CAMK2A: variants seen among roughly 807,000 people sequenced by gnomAD.
The protein encoded by CAMK2A is calcium/calmodulin-dependent protein kinase type II subunit alpha.
In CAMK2A, 7 loss-of-function variants were observed where a neutral mutation model predicts 79.2. The observed-to-expected ratio is 0.09, with a 90% confidence interval of 0.05 to 0.17. The LOEUF is 0.17. CAMK2A is among the 10% of genes least tolerant of loss of function. The probability of loss-of-function intolerance (pLI) is 1.00; values close to 1 mark genes in which losing one functional copy is unlikely to be tolerated. For synonymous variants in CAMK2A, 242 were observed against 251.7 expected (o/e 0.96, Z 0.36); for missense variants, 214 against 646.4 (o/e 0.33, Z 7.25).
Position 150,223,124 on chromosome 5 carries a change from C to T in CAMK2A, c.1331G>A (p.Arg444His), listed in dbSNP as rs754962340. The stretch of plus-strand genomic sequence containing the variant: ...GCCAGCGTCCAGGTACTGCGTGATG[C>T]GGATGTAGGCGATGCAGGCTGACTC... ...GDESACIAYI[R>H]ITQYLDAGGI... Residue 444 changes from arginine to histidine, a missense_variant, in exon 18 of 19, where the codon CGC becomes CAC. Arg to His is a conservative substitution (Grantham distance 29, BLOSUM62 0). Coordinates refer to ENST00000671881, the MANE Select transcript of CAMK2A (RefSeq NM_015981.4). This position sits in a 1 kb window ranked among gnomAD's most constrained non-coding sequence, Gnocchi z 4.1. The T allele has an allele frequency of 4.3e-6, 7 of 1,614,116 alleles. No homozygotes were observed. The highest frequency in any genetic ancestry group is 3.3e-5 in the South Asian group (3 of 91,086).
intron 17 of CAMK2A, among the ~76,000 whole-genome samples, chr5:150,224,530 A>G (rs1316168241): frequency 6.6e-6 from 1 of 152,110 alleles, no homozygotes; most frequent in Non-Finnish European, 1.5e-5. Context: ...CCATCCCCTA[A>G]TATCAGAAGC....
At chr5:150,263,381 CACAG>C (rs1212724474) in intron 3 of CAMK2A, among the ~76,000 whole-genome samples, 6 of 151,018 alleles carry the variant, frequency 4.0e-5, no homozygotes, top group Admixed American at 2.0e-4. Context: ...CATGCACTCA[CACAG>C]ACATTCACAC....
intron 1 of CAMK2A, among the ~76,000 whole-genome samples, chr5:150,275,581 G>A (rs1756912613): frequency 6.6e-6 from 1 of 152,138 alleles, no homozygotes; most frequent in African/African-American, 2.4e-5. Context: ...TAGTGACTGG[G>A]GGATCCCACA....
At chr5:150,237,401 T>C (rs1159653584) in intron 15 of CAMK2A, among the ~76,000 whole-genome samples, 4 of 151,780 alleles carry the variant, frequency 2.6e-5, no homozygotes, top group Admixed American at 2.0e-4. Flanking sequence ...CCACCAGGCA[T>C]CTCTGCTACA....
chr5:150,251,632 A>T (rs1474264882), intron 9 of CAMK2A, 118 bp downstream of exon 9: 1 of 670,312 alleles, frequency 1.5e-6, no homozygotes, highest in East Asian at 2.9e-5. Flanking sequence ...GGCCCTGGTC[A>T]GTCTTCATGC....
chr5:150,266,892 G>T lies in CAMK2A; in HGVS notation c.158-1877C>A, dbSNP rs149331591. Among the ~76,000 whole-genome samples, 564 of 152,204 alleles carry T rather than the reference G, an allele frequency of 3.7e-3. 5 individuals are homozygous for T. The Middle Eastern group carries it at 0.058, about 16-fold the overall frequency. ...TGGGGGGGTGGTGAGAATGAAGAAA[G>T]TTCCAGCCCTTGTTCCCAGGAATCC... is the stretch of plus-strand genomic sequence containing the variant. On this transcript the variant is annotated intron_variant, in intron 2 of 18. Transcript: ENST00000671881.
chr5:150,223,003 G>A lies in CAMK2A; in HGVS notation c.1452C>T (p.Pro484=). 1 of 1,613,958 alleles carries A rather than the reference G, an allele frequency of 6.2e-7. No homozygotes were observed. The highest frequency in any genetic ancestry group is 2.2e-5 in the East Asian group (1 of 44,890). Residue 484 remains proline (P), a synonymous_variant, in exon 18 of 19, where the codon CCC becomes CCT. Transcript: ENST00000671881. This position sits in a 1 kb window ranked among gnomAD's most constrained non-coding sequence, Gnocchi z 4.1. ...QIVHFHRSGA[P]SVLPH is the part of the protein sequence containing the mutation. ...GGGATTCTTACTGGGGCAGGACGGA[G>A]GGCGCCCCAGATCTGTGGAAGTGGA...
chr5:150,263,844 C>G (rs1195730458), intron 3 of CAMK2A, among the ~76,000 whole-genome samples: 1 of 152,176 alleles, frequency 6.6e-6, no homozygotes, highest in Non-Finnish European at 1.5e-5. Flanking sequence ...AGGTCAGGGA[C>G]CAGGGTTCAA....
chr5:150,240,663 C>T (rs1241158904), intron 13 of CAMK2A, among the ~76,000 whole-genome samples: 1 of 152,196 alleles, frequency 6.6e-6, no homozygotes, highest in Non-Finnish European at 1.5e-5. Context: ...GAAGACAGAC[C>T]CTTGCATTGC....
rs1754304658 is a variant in CAMK2A at position 150,221,454 on chromosome 5, G to GGGC, written c.*1253_*1255dup. Reference sequence around the variant, plus strand: ...CCCAGAGGTGGGTGGGGGGTGCTGGGGGCGGCACACAGATATGGTGAGATG... The same window carrying GGGC: ...CCCAGAGGTGGGTGGGGGGTGCTGGGGGCGGCGGCACACAGATATGGTGAGATG... On this transcript the variant is annotated 3_prime_UTR_variant, in exon 19 of 19. Transcript: ENST00000671881. 1 of 398,574 alleles carries GGGC rather than the reference G, an allele frequency of 2.5e-6. No individual in the cohort carries two copies. 24.7% of individuals were successfully genotyped at this position (398,574 alleles called of 1,614,324 possible).
At chr5:150,262,835 C>A (rs924887728) in intron 3 of CAMK2A, among the ~76,000 whole-genome samples, 24 of 152,166 alleles carry the variant, frequency 1.6e-4, no homozygotes, top group African/African-American at 5.8e-4. Flanking sequence ...AGCTCAAACA[C>A]TTAGTTAACG....
chr5:150,287,971 G>T (rs916332469), intron 1 of CAMK2A, among the ~76,000 whole-genome samples: 1 of 151,542 alleles, frequency 6.6e-6, no homozygotes, highest in Non-Finnish European at 1.5e-5. Context: ...GTGTGTGTGT[G>T]TGTGTGCAAG....
In CAMK2A at chr5:150,251,674, G is replaced by C. The variant is rs950455076; in HGVS notation, c.693+76C>G. ...GGGGTTCACCCCTGTGCCAGAACTA[G>C]AGAGTGGCTTGGCGCTGGCTTTCAC... On this transcript the variant is annotated intron_variant, in intron 9 of 18. Transcript: ENST00000671881. The C allele has an allele frequency of 2.6e-6, 3 of 1,159,194 alleles. No individual in the cohort carries two copies. The African/African-American group carries it at 4.6e-5, about 18-fold the overall frequency. 71.8% of individuals were successfully genotyped at this position (1,159,194 alleles called of 1,614,324 possible). A position where few individuals can be genotyped will look rare whatever the true frequency, so the allele number is the denominator to read the frequency against.
rs771221802 is a variant in CAMK2A, at chr5:150,256,661, G to A, written c.339-16C>T. On this transcript the variant is annotated splice_polypyrimidine_tract_variant and intron_variant, in intron 5 of 18. Transcript: ENST00000671881. This position sits in a 1 kb window ranked among gnomAD's most constrained non-coding sequence, Gnocchi z 4.6. ...GATACAGTGACTAGGGAGAGAGAGAGGAAGGGGTCATGGTGGTGTGAGCAC... is the reference window on the plus strand; with the variant it reads ...GATACAGTGACTAGGGAGAGAGAGAAGAAGGGGTCATGGTGGTGTGAGCAC... The A allele has an allele frequency of 4.3e-6, 7 of 1,613,076 alleles. No individual in the cohort carries two copies. In the South Asian group the frequency reaches 7.7e-5, roughly 18 times the overall value.
At chr5:150,237,518 G>A (rs993626728) in intron 15 of CAMK2A, among the ~76,000 whole-genome samples, 1 of 152,022 alleles carries the variant, frequency 6.6e-6, no homozygotes, top group African/African-American at 2.4e-5. Flanking sequence ...AGCAATCCCT[G>A]CCCCTTCCTC....
At chr5:150,276,932 T>TA (rs112590967) in intron 1 of CAMK2A, among the ~76,000 whole-genome samples, 11 of 151,362 alleles carry the variant, frequency 7.3e-5, no homozygotes, top group South Asian at 2.1e-4. Flanking sequence ...GGAGGATCTT[T>TA]AAAAAAAAAG....
intron 13 of CAMK2A, among the ~76,000 whole-genome samples, chr5:150,243,042 C>A (rs909502773): frequency 2.6e-5 from 4 of 152,234 alleles, no homozygotes; most frequent in African/African-American, 9.6e-5. Context: ...CACTGGAAAG[C>A]CTGCAGTGGC....
In CAMK2A at chr5:150,250,783, T is replaced by C; in HGVS notation, c.721A>G (p.Thr241Ala). Residue 241 changes from threonine (T) to alanine (A), a missense_variant, in exon 10 of 19, where the codon ACC (threonine) becomes GCC (alanine). By Grantham distance (58) the Thr-to-Ala change is moderately conservative (BLOSUM62 0). Around this residue, in one of 4 missense-constraint regions of CAMK2A, gnomAD observed 72 missense variants for 333.9 expected, o/e 0.22. Transcript: ENST00000671881. Reference protein sequence around the residue: ...DFPSPEWDTVTPEAKDLINKM... With the variant: ...DFPSPEWDTVAPEAKDLINKM... The stretch of plus-strand genomic sequence containing the variant: ...TTGATCAGATCCTTGGCTTCCGGGG[T>C]GACAGTGTCCCATTCCGGCGATGGG... 2 of 1,613,902 alleles carry C rather than the reference T, an allele frequency of 1.2e-6. No homozygotes were observed. Among genetic ancestry groups the C allele is most frequent in the Non-Finnish European group, 1.7e-6 (2 of 1,179,916 alleles).
In CAMK2A at chr5:150,250,670, C is replaced by T; in HGVS notation, c.816+18G>A. On this transcript the variant is annotated intron_variant, in intron 10 of 18. Transcript: ENST00000671881. Reference sequence around the variant, plus strand: ...TCTGGAGGGGCTCCTGGGAGAAGTCCTGCTGAGGAAGGCTCACCGAGATCC... The same window carrying T: ...TCTGGAGGGGCTCCTGGGAGAAGTCTTGCTGAGGAAGGCTCACCGAGATCC... 2 of 1,613,558 alleles carry T rather than the reference C, an allele frequency of 1.2e-6. No individual in the cohort carries two copies. The highest frequency in any genetic ancestry group is 1.7e-6 in the Non-Finnish European group (2 of 1,179,668).
Sources: allele counts gnomAD v4.1 joint callset (sites outside exome capture counted in the v4.1 genomes callset), GRCh38; gene constraint gnomAD v4.1.1; regional missense constraint gnomAD v4.1.1; non-coding constraint Gnocchi (gnomAD v3.1); transcripts MANE v1.5; gene names NCBI Gene and HGNC (gene_info 2026-07-23, HGNC 2026-07-21).